Variants in ZMYM2 observed in about 807,000 individuals in gnomAD.
ZMYM2 encodes zinc finger MYM-type protein 2.
Under a neutral mutation model 162.8 loss-of-function variants are expected in ZMYM2, and 56 were observed. The observed-to-expected ratio is 0.34, with a 90% CI of 0.28 to 0.43. The LOEUF (loss-of-function observed/expected upper bound fraction) is 0.43, where lower values mean the gene tolerates loss of function less well. Among genes scored for constraint, ZMYM2 ranks in the 20% least tolerant of loss-of-function variants. ZMYM2 has a pLI of 1.00. For synonymous variants in ZMYM2, 510 were observed against 541.6 expected (o/e 0.94, Z 0.81); for missense variants, 1,275 against 1,621.8 (o/e 0.79, Z 3.67).
chr13:20,030,428 TC>T (rs1382637267), intron 9 of ZMYM2, among the ~76,000 whole-genome samples: 3 of 145,212 alleles, frequency 2.1e-5, no homozygotes, highest in Non-Finnish European at 4.5e-5. Flanking sequence ...AGACGGAGTC[TC>T]GCTCTGTCGC....
chr13:20,034,508 A>C (rs35685206), intron 11 of ZMYM2, 104 bp downstream of exon 11: 62,744 of 1,126,218 alleles, frequency 0.056, 2,046 homozygotes, highest in Non-Finnish European at 0.064. Context: ...GTAGCTGAAC[A>C]AAAAAAATTG....
the ZMYM2 span, among the ~76,000 whole-genome samples, chr13:19,904,282 C>T: frequency 3.3e-5 from 5 of 151,950 alleles, no homozygotes; most frequent in East Asian, 1.9e-4. Flanking sequence ...GTTGGCCGGG[C>T]GTGGTGGCTC....
chr13:20,061,924 A>C (rs1566428517), intron 17 of ZMYM2, among the ~76,000 whole-genome samples: 2 of 152,020 alleles, frequency 1.3e-5, no homozygotes, highest in Non-Finnish European at 2.9e-5. Flanking sequence ...AATAATTTGC[A>C]TTATCTAAAC....
intron 6 of ZMYM2, among the ~76,000 whole-genome samples, chr13:20,016,764 C>T (rs144951004): frequency 1.4e-4 from 21 of 151,964 alleles, no homozygotes; most frequent in Non-Finnish European, 2.4e-4. Flanking sequence ...TGCTTCTTTC[C>T]GTATTTTCTT....
the ZMYM2 span, among the ~76,000 whole-genome samples, chr13:19,884,827 A>G: frequency 1.3e-5 from 2 of 152,092 alleles, no homozygotes; most frequent in Non-Finnish European, 1.5e-5. Context: ...CAAACATTCC[A>G]GCAGTAAAAG....
intron 3 of ZMYM2, among the ~76,000 whole-genome samples, chr13:19,995,816 A>C (rs527921865): frequency 6.6e-6 from 1 of 152,298 alleles, no homozygotes; most frequent in South Asian, 2.1e-4. Context: ...TGGTGAAAAA[A>C]TACAAAATAC....
chr13:20,050,149 T>C (rs755425663), intron 12 of ZMYM2, among the ~76,000 whole-genome samples: 2 of 151,990 alleles, frequency 1.3e-5, no homozygotes, highest in Admixed American at 6.6e-5. Context: ...AGTTGTGATA[T>C]TGCATCACTT....
the ZMYM2 span, among the ~76,000 whole-genome samples, chr13:19,934,481 A>G: frequency 1.3e-5 from 2 of 152,156 alleles, no homozygotes; most frequent in Non-Finnish European, 2.9e-5. Flanking sequence ...AATTTCTTAA[A>G]TTCGTCAATT....
At chr13:20,035,512 G>A (rs1021901149) in intron 11 of ZMYM2, among the ~76,000 whole-genome samples, 3 of 152,160 alleles carry the variant, frequency 2.0e-5, no homozygotes, top group Admixed American at 2.0e-4. Flanking sequence ...TTACATTTGA[G>A]TTGTGCAATG....
intron 9 of ZMYM2, among the ~76,000 whole-genome samples, chr13:20,027,781 G>T (rs1470932718): frequency 6.6e-6 from 1 of 152,042 alleles, no homozygotes. Flanking sequence ...TCAGTTTAGG[G>T]AGACATTTTT....
rs60172206 is a variant in ZMYM2, at chr13:20,011,578, AT to A, written c.1512+5006del. On this transcript the variant is annotated intron_variant, in intron 6 of 24. Transcript: ENST00000610343. Reference sequence around the variant, plus strand: ...GCAGAAGTTTTTATTTTTTTGTTTTATTTTTTTTTTTTTTGAGGGGTGAAGG... The same window carrying A: ...GCAGAAGTTTTTATTTTTTTGTTTTATTTTTTTTTTTTTGAGGGGTGAAGG... Among the ~76,000 whole-genome samples, 342 of 128,798 alleles carry A rather than the reference AT, an allele frequency of 2.7e-3. 1 individual carries two copies. Among genetic ancestry groups the A allele is most frequent in the Non-Finnish European group, 2.6e-3 (154 of 59,158 alleles). The allele number at this position is 128,798 out of a possible 152,430, so 84.5% of individuals were successfully genotyped here.
intron 2 of ZMYM2, among the ~76,000 whole-genome samples, chr13:19,961,187 A>T (rs373025129): frequency 1.3e-5 from 2 of 151,504 alleles, no homozygotes; most frequent in East Asian, 3.9e-4. Flanking sequence ...CTGAACCTCC[A>T]TGTACCCATC....
intron 12 of ZMYM2, among the ~76,000 whole-genome samples, chr13:20,049,234 A>G (rs1430957528): frequency 6.6e-6 from 1 of 151,896 alleles, no homozygotes; most frequent in Non-Finnish European, 1.5e-5. Context: ...GTAAATTGGT[A>G]TTAATCTTGC....
chr13:19,883,501 A>G, the ZMYM2 span, among the ~76,000 whole-genome samples: 2 of 151,956 alleles, frequency 1.3e-5, no homozygotes, highest in Non-Finnish European at 2.9e-5. Flanking sequence ...TAAAAGGCTG[A>G]GCTTAGCACA....
chr13:20,040,719 A>G (rs1180258763), intron 12 of ZMYM2, among the ~76,000 whole-genome samples: 2 of 152,100 alleles, frequency 1.3e-5, no homozygotes, highest in African/African-American at 4.8e-5. Flanking sequence ...AGATCTTTCT[A>G]ACTTTTTGAT....
chr13:20,012,432 A>T (rs530577604), intron 6 of ZMYM2, among the ~76,000 whole-genome samples: 2 of 152,184 alleles, frequency 1.3e-5, no homozygotes, highest in African/African-American at 4.8e-5. Context: ...TGTCCTTCTC[A>T]GCCTCTCAAA....
intron 6 of ZMYM2, 69 bp from the exon 7 acceptor site, chr13:20,019,478 T>C: frequency 7.5e-7 from 1 of 1,331,082 alleles, no homozygotes; most frequent in Non-Finnish European, 1.0e-6. Context: ...TACATAATGC[T>C]TATTTACCTT....
the ZMYM2 span, among the ~76,000 whole-genome samples, chr13:19,928,969 T>C: frequency 6.6e-6 from 1 of 152,090 alleles, no homozygotes; most frequent in African/African-American, 2.4e-5. Context: ...ATCTGGGCAA[T>C]TTATAGCTTT....
the ZMYM2 span, among the ~76,000 whole-genome samples, chr13:19,884,044 CCCCGGGCG>C: frequency 6.6e-6 from 1 of 152,284 alleles, no homozygotes; most frequent in Non-Finnish European, 1.5e-5. Context: ...AGGCATGAGC[CCCCGGGCG>C]TGGCCTATAT....
Sources: allele counts gnomAD v4.1 joint callset (sites outside exome capture counted in the v4.1 genomes callset), GRCh38; gene constraint gnomAD v4.1.1; transcripts MANE v1.5; gene names NCBI Gene and HGNC (gene_info 2026-07-23, HGNC 2026-07-21).